C2orf80: variants seen among roughly 807,000 people sequenced by gnomAD.
C2orf80 encodes the protein chromosome 2 open reading frame 80, also known as uncharacterized protein C2orf80.
In C2orf80, 28 loss-of-function variants were observed where a neutral mutation model predicts 30.2. That is an observed-to-expected ratio of 0.93 (90% CI 0.69 to 1.27). C2orf80 has a LOEUF of 1.27. Among genes scored for constraint, C2orf80 ranks in the 50% most tolerant of loss-of-function variants. C2orf80 has a pLI of 0.00. For synonymous variants in C2orf80, 80 were observed against 76.4 expected (o/e 1.05, Z -0.24); for missense variants, 220 against 231.0 (o/e 0.95, Z 0.31).
intron 6 of C2orf80, among the ~76,000 whole-genome samples, chr2:208,175,749 A>T (rs548563130): frequency 9.4e-4 from 142 of 150,418 alleles, no homozygotes; most frequent in East Asian, 2.5e-3. Context: ...TTTTTTTTTT[A>T]AAAAACTCTA....
At chr2:208,183,118 G>A in intron 3 of C2orf80, 71 bp from the exon 4 acceptor site, 2 of 1,164,966 alleles carry the variant, frequency 1.7e-6, no homozygotes, top group South Asian at 1.2e-5. Flanking sequence ...TGGACCCAAT[G>A]ACAATGGGAC....
intron 6 of C2orf80, among the ~76,000 whole-genome samples, chr2:208,177,835 A>T (rs200447067): frequency 1.4e-3 from 197 of 142,038 alleles, no homozygotes; most frequent in African/African-American, 5.0e-3. Context: ...TTTATTTTTT[A>T]TTTTTTTTGA....
intron 2 of C2orf80, 59 bp from the exon 3 acceptor site, chr2:208,185,091 A>G: frequency 1.5e-6 from 2 of 1,366,384 alleles, no homozygotes; most frequent in Non-Finnish European, 2.0e-6. Flanking sequence ...GTCTGCAGAA[A>G]AAGGCTTTTT....
At position 208,181,273 on chromosome 2, in the gene C2orf80, G is replaced by T. The variant is rs761813468; in HGVS notation, c.239C>A (p.Pro80Gln). ...CATAGCTTCTCGTTCTCTACGATTT[G>T]GATATATGGGTCTGCCATGGAGTGG... is the stretch of plus-strand genomic sequence containing the variant. ...KIPLHGRPIY[P>Q]NRREREAMIL... is the part of the protein sequence containing the mutation. The change falls in exon 5 of 9, where the codon CCA becomes CAA. Residue 80 changes from proline to glutamine, a missense_variant. Pro to Gln is a moderately conservative substitution (Grantham distance 76). Coordinates refer to ENST00000341287, the MANE Select transcript of C2orf80 (RefSeq NM_001099334.3). The T allele has an allele frequency of 2.5e-6, 4 of 1,610,714 alleles. No homozygotes were observed. Among genetic ancestry groups the T allele is most frequent in the Non-Finnish European group, 3.4e-6 (4 of 1,177,084 alleles).
At chr2:208,175,012 G>A (rs1696237458) in intron 6 of C2orf80, among the ~76,000 whole-genome samples, 1 of 152,164 alleles carries the variant, frequency 6.6e-6, no homozygotes, top group South Asian at 2.1e-4. Flanking sequence ...CGGGCGCGGT[G>A]GCTCAGCCTG....
intron 6 of C2orf80, among the ~76,000 whole-genome samples, chr2:208,177,466 G>A (rs1417380725): frequency 1.3e-5 from 2 of 151,968 alleles, no homozygotes; most frequent in South Asian, 2.1e-4. Context: ...ACTTGAACCC[G>A]GGAGGCGTAG....
chr2:208,184,197 C>A (rs1437643651), intron 3 of C2orf80, among the ~76,000 whole-genome samples: 1 of 152,230 alleles, frequency 6.6e-6, no homozygotes, highest in Non-Finnish European at 1.5e-5. Context: ...ACCCCCGCCC[C>A]CCTTCACCTC....
chr2:208,176,140 G>C (rs1486595258), intron 6 of C2orf80, among the ~76,000 whole-genome samples: 7 of 152,158 alleles, frequency 4.6e-5, no homozygotes, highest in Non-Finnish European at 1.5e-5. Flanking sequence ...TCAATCTCAT[G>C]TGATTTTGCC....
chr2:208,170,518 A>G (rs1440514039), intron 8 of C2orf80, among the ~76,000 whole-genome samples: 2 of 152,244 alleles, frequency 1.3e-5, no homozygotes, highest in Non-Finnish European at 2.9e-5. Flanking sequence ...TCAAGGATAG[A>G]AACATTTGGG....
rs184037214 is a variant in C2orf80 at position 208,171,922 on chromosome 2, A to T, written c.454+66T>A. On this transcript the variant is annotated intron_variant, in intron 7 of 8. Transcript: ENST00000341287. ...ATTACAATTTTGACCTTACCTGGTG[A>T]GCCTACTTCCTAATTTCCTAGTTTG... is the stretch of plus-strand genomic sequence containing the variant. The T allele has an allele frequency of 1.2e-3, 1,596 of 1,318,660 alleles. 22 individuals are homozygous for T. In the Admixed American group the frequency reaches 0.025, roughly 20 times the overall value. 81.7% of individuals were successfully genotyped at this position (1,318,660 alleles called of 1,614,324 possible).
At chr2:208,177,832 T>A (rs202187755) in intron 6 of C2orf80, among the ~76,000 whole-genome samples, 114 of 139,348 alleles carry the variant, frequency 8.2e-4, no homozygotes, top group Middle Eastern at 3.7e-3. Flanking sequence ...TTATTTATTT[T>A]TTATTTTTTT....
chr2:208,181,084 C>T (rs540056171), intron 5 of C2orf80, 134 bp downstream of exon 5: 271 of 721,466 alleles, frequency 3.8e-4, no homozygotes, highest in African/African-American at 1.6e-3. Context: ...CTTTAAAAAA[C>T]GAAACATTTA....
chr2:208,178,801 A>G (rs888254223), intron 6 of C2orf80, among the ~76,000 whole-genome samples: 8 of 152,040 alleles, frequency 5.3e-5, no homozygotes, highest in Non-Finnish European at 8.8e-5. Flanking sequence ...CTTGTTGTCC[A>G]GGCTGGAGTG....
intron 6 of C2orf80, among the ~76,000 whole-genome samples, chr2:208,179,119 C>T (rs147686809): frequency 8.2e-4 from 125 of 152,258 alleles, no homozygotes; most frequent in African/African-American, 2.9e-3. Context: ...TCCCCTGCAC[C>T]TACAATTATA....
intron 6 of C2orf80, among the ~76,000 whole-genome samples, chr2:208,172,842 C>A (rs72974829): frequency 6.6e-6 from 1 of 152,140 alleles, no homozygotes; most frequent in African/African-American, 2.4e-5. Flanking sequence ...CTTGGCCAGG[C>A]GCAGTGGGTC....
At chr2:208,179,931 C>A (rs558525208) in intron 6 of C2orf80, among the ~76,000 whole-genome samples, 1 of 152,176 alleles carries the variant, frequency 6.6e-6, no homozygotes, top group African/African-American at 2.4e-5. Flanking sequence ...TCGAGGATTA[C>A]TGGATTACCA....
At position 208,180,791 on chromosome 2, in the gene C2orf80, AAG is replaced by A. The variant is rs911773025; in HGVS notation, c.318_319del (p.Phe107Ter). The A allele has an allele frequency of 5.0e-6, 8 of 1,613,764 alleles. No homozygotes were observed. In the Admixed American group the frequency reaches 6.7e-5, roughly 13 times the overall value. On this transcript the variant is annotated frameshift_variant, in exon 6 of 9. Coordinates refer to ENST00000341287, the MANE Select transcript of C2orf80 (RefSeq NM_001099334.3). LOFTEE classifies it high-confidence loss of function. ...AGAAGAATCAGCCCCATAAATTTTAAAGACTTCCTCAATCGGGATACTGTTCT... is the reference window on the plus strand; with the variant it reads ...AGAAGAATCAGCCCCATAAATTTTAAACTTCCTCAATCGGGATACTGTTCT...
intron 8 of C2orf80, 107 bp from the exon 9 acceptor site, chr2:208,165,922 A>T: frequency 2.9e-6 from 2 of 685,426 alleles, no homozygotes; most frequent in Non-Finnish European, 5.1e-6. Flanking sequence ...ATACTAACTT[A>T]CTGACAAAGA....
rs1696295504 is a variant in C2orf80 at position 208,176,406 on chromosome 2, C to A, written c.367-4331G>T. Among the ~76,000 whole-genome samples the A allele has an allele frequency of 2.0e-5, 3 of 152,216 alleles. No homozygotes were observed. In the South Asian group the frequency reaches 6.2e-4, roughly 31 times the overall value. ...GGCCAGGCTGGCCTCGAACTCCTGA[C>A]CTCAAGTGATCCGCCCGCCTCGGCC... On this transcript the variant is annotated intron_variant, in intron 6 of 8. Transcript: ENST00000341287.
Sources: allele counts gnomAD v4.1 joint callset (sites outside exome capture counted in the v4.1 genomes callset), GRCh38; gene constraint gnomAD v4.1.1; transcripts MANE v1.5; gene names NCBI Gene and HGNC (gene_info 2026-07-23, HGNC 2026-07-21).